SPATC1: variants seen among roughly 807,000 people sequenced by gnomAD.
The protein encoded by SPATC1 is speriolin.
A neutral mutation model predicts 36.5 loss-of-function variants in SPATC1; 35 were observed. The ratio of observed to expected loss-of-function variants is 0.96; its 90% CI spans 0.73 to 1.27. The LOEUF (loss-of-function observed/expected upper bound fraction) is 1.27. SPATC1 is among the 50% of genes most tolerant of loss of function. The pLI is 0.00. For missense variants in SPATC1, 779 were observed against 796.0 expected (o/e 0.98, Z 0.26); for synonymous variants, 361 against 353.6 (o/e 1.02, Z -0.24).
intron 1 of SPATC1, among the ~76,000 whole-genome samples, chr8:144,032,771 G>A (rs985921799): frequency 3.2e-4 from 48 of 151,924 alleles, no homozygotes; most frequent in African/African-American, 1.0e-3. Context: ...CCCCTCATGC[G>A]AGCAAGCCAC....
In SPATC1 at chr8:144,046,589, T is replaced by C. The variant is rs1293565876; in HGVS notation, c.1447-38T>C. The C allele has an allele frequency of 1.9e-6, 3 of 1,568,550 alleles. No homozygotes were observed. The highest frequency in any genetic ancestry group is 2.6e-6 in the Non-Finnish European group (3 of 1,157,200). On this transcript the variant is annotated intron_variant, in intron 4 of 4. Transcript: ENST00000377470. The surrounding 1 kb of genome is among the most constrained non-coding windows in gnomAD (Gnocchi z 6.6). ...CCTTACCTGCCTGTGTGTGGAGGTG[T>C]GGCAAGGGAGGGTCCCTGATGGCCG...
At chr8:144,039,666 T>C (rs1835006996) in intron 1 of SPATC1, among the ~76,000 whole-genome samples, 1 of 152,124 alleles carries the variant, frequency 6.6e-6, no homozygotes, top group Non-Finnish European at 1.5e-5. Context: ...GGGCTGGAGA[T>C]GAGGCCTTGG....
intron 1 of SPATC1, among the ~76,000 whole-genome samples, chr8:144,026,711 A>T (rs1234312003): frequency 6.6e-6 from 1 of 151,966 alleles, no homozygotes; most frequent in Non-Finnish European, 1.5e-5. Context: ...AATGATGCTG[A>T]GCTTCTTTAG....
intron 1 of SPATC1, among the ~76,000 whole-genome samples, chr8:144,035,681 C>T (rs1196426999): frequency 2.0e-5 from 3 of 152,222 alleles, no homozygotes; most frequent in East Asian, 1.9e-4. Flanking sequence ...CAGCCCTGAC[C>T]GGCTGGCCCC....
chr8:144,039,704 G>C (rs1413407528), intron 1 of SPATC1, among the ~76,000 whole-genome samples: 2 of 152,182 alleles, frequency 1.3e-5, no homozygotes, highest in East Asian at 3.9e-4. Context: ...CCTCTGAGCA[G>C]ACACAGACTC....
At chr8:144,019,865 C>A (rs1188792070) in intron 1 of SPATC1, among the ~76,000 whole-genome samples, 1 of 152,000 alleles carries the variant, frequency 6.6e-6, no homozygotes, top group Non-Finnish European at 1.5e-5. Context: ...ACACACCTAC[C>A]TGAGGATCCT....
At chr8:144,022,613 C>A (rs1183708115) in intron 1 of SPATC1, among the ~76,000 whole-genome samples, 1 of 126,236 alleles carries the variant, frequency 7.9e-6, no homozygotes, top group African/African-American at 3.0e-5. Context: ...CCTGAGGAGC[C>A]TTTCCCCTCA....
intron 4 of SPATC1, among the ~76,000 whole-genome samples, chr8:144,042,311 A>ATATATATTTTTTTTT (rs1412021347): frequency 4.2e-5 from 1 of 23,884 alleles, no homozygotes; most frequent in Non-Finnish European, 6.3e-5. Context: ...ATATATATAT[A>ATATATATTTTTTTTT]TTTTTTTTTT....
chr8:144,043,456 A>ATT (rs1315875560), intron 4 of SPATC1, among the ~76,000 whole-genome samples: 1 of 151,886 alleles, frequency 6.6e-6, no homozygotes, highest in African/African-American at 2.4e-5. Flanking sequence ...TAATTTTTGT[A>ATT]TTTTTAGGAG....
chr8:144,039,779 G>A (rs1285205168), intron 1 of SPATC1, 130 bp from the exon 2 acceptor site: 8 of 983,442 alleles, frequency 8.1e-6, no homozygotes, highest in Admixed American at 2.5e-5. Context: ...GACCAGGTCG[G>A]ACCAGTCAGC....
rs1344454270 is a variant in SPATC1 at position 144,016,713 on chromosome 8, G to A, written c.211+3987G>A. ...TGCAATGGCGCAATCTCGGCTCACC[G>A]CAACCTCCACCTCCCGAGTTCAAGT... On this transcript the variant is annotated intron_variant, in intron 1 of 4. Coordinates refer to ENST00000377470, the MANE Select transcript of SPATC1 (RefSeq NM_198572.3). This position sits in a 1 kb window ranked among gnomAD's most constrained non-coding sequence, Gnocchi z 4.5. Among the ~76,000 whole-genome samples the A allele has an allele frequency of 1.3e-5, 2 of 152,128 alleles. No individual in the cohort carries two copies. Among genetic ancestry groups the A allele is most frequent in the East Asian group, 1.9e-4 (1 of 5,198 alleles).
rs372566557 is a variant in SPATC1, at chr8:144,046,820, G to A, written c.1640G>A (p.Gly547Asp). The change falls in exon 5 of 5, where the codon GGC (glycine) becomes GAC (aspartate). Residue 547 changes from glycine (G) to aspartate (D), a missense_variant. Coordinates refer to ENST00000377470, the MANE Select transcript of SPATC1 (RefSeq NM_198572.3). This position sits in a 1 kb window ranked among gnomAD's most constrained non-coding sequence, Gnocchi z 6.6. Reference sequence around the variant, plus strand: ...CCGGAGCTGGCGGCGTCTGAGGGCGGCCCCTACACCGTGGACTTCCTGCAG... The same window carrying A: ...CCGGAGCTGGCGGCGTCTGAGGGCGACCCCTACACCGTGGACTTCCTGCAG... ...ERPELAASEGGPYTVDFLQRV... is the reference protein window; with the variant it reads ...ERPELAASEGDPYTVDFLQRV... The A allele has an allele frequency of 1.1e-4, 171 of 1,604,448 alleles. No homozygotes were observed. Among genetic ancestry groups the A allele is most frequent in the Non-Finnish European group, 1.4e-4 (166 of 1,179,910 alleles).
intron 1 of SPATC1, among the ~76,000 whole-genome samples, chr8:144,026,401 T>G (rs985882430): frequency 2.0e-5 from 3 of 152,236 alleles, no homozygotes; most frequent in Non-Finnish European, 4.4e-5. Flanking sequence ...TTATGAATAA[T>G]GCCGCTATGA....
rs1554755379 is a variant in SPATC1 at position 144,039,979 on chromosome 8, G to A, written c.282G>A (p.Leu94=). 9 of 1,613,848 alleles carry A rather than the reference G, an allele frequency of 5.6e-6. No individual in the cohort carries two copies. The highest frequency in any genetic ancestry group is 7.6e-6 in the Non-Finnish European group (9 of 1,179,996). ...RVLEEVGIMA[L]APLAEMLTSL... ...TCGAAGAAGTGGGGATCATGGCCTT[G>A]GCACCCCTGGCCGAGATGCTAACCA... Residue 94 remains leucine, a synonymous_variant, in exon 2 of 5, where the codon TTG becomes TTA. Coordinates refer to ENST00000377470, the MANE Select transcript of SPATC1 (RefSeq NM_198572.3).
intron 4 of SPATC1, among the ~76,000 whole-genome samples, chr8:144,044,551 G>T (rs530557375): frequency 6.7e-6 from 1 of 149,062 alleles, no homozygotes; most frequent in African/African-American, 2.5e-5. Context: ...CTCGTGATCC[G>T]CCCGCCTCAG....
rs145229001 is a variant in SPATC1, at chr8:144,040,586, C to A, written c.785C>A (p.Pro262His). The change falls in exon 3 of 5, where the codon CCC becomes CAC. Residue 262 changes from proline (P) to histidine (H), a missense_variant. By Grantham distance (77) the Pro-to-His change is moderately conservative. Transcript: ENST00000377470. ...ATTKVPLSTE[P>H]PQSTQDPEPL... ...TCACTAGTCCCACTCTCCACTGAGC[C>A]CCCCCAGTCGACCCAGGACCCAGAG... is the stretch of plus-strand genomic sequence containing the variant. 60 of 1,596,470 alleles carry A rather than the reference C, an allele frequency of 3.8e-5. No individual in the cohort carries two copies. Among genetic ancestry groups the A allele is most frequent in the South Asian group, 1.0e-4 (9 of 88,460 alleles).
rs781894154 is a variant in SPATC1, at chr8:144,040,351, G to A, written c.654G>A (p.Met218Ile). ...GVSQNLLANP[M>I]SNLVLPEAPR... ...CTCAGAACCTGCTGGCCAACCCCAT[G>A]AGCAACCTGGTCCTGCCAGAGGCCC... The change falls in exon 2 of 5, where the codon ATG becomes ATA. Residue 218 changes from methionine to isoleucine, a missense_variant. Physicochemically the swap from Met to Ile is conservative, Grantham distance 10. Coordinates refer to ENST00000377470, the MANE Select transcript of SPATC1 (RefSeq NM_198572.3). The A allele has an allele frequency of 6.2e-6, 10 of 1,612,622 alleles. No homozygotes were observed. Among genetic ancestry groups the A allele is most frequent in the Admixed American group, 1.7e-5 (1 of 60,018 alleles).
chr8:144,029,202 T>TAAAA (rs1165801794), intron 1 of SPATC1, among the ~76,000 whole-genome samples: 1,047 of 28,146 alleles, frequency 0.037, 140 homozygotes, highest in African/African-American at 0.086. Flanking sequence ...ACCCCAGAAC[T>TAAAA]AAAAAAAAAA....
rs945903225 is a variant in SPATC1, at chr8:144,032,311, T to C, written c.212-7598T>C. 9.9e-5 allele frequency among the ~76,000 whole-genome samples: 15 copies of C among 152,234 alleles called. No individual in the cohort carries two copies. In the South Asian group the frequency reaches 3.1e-3, roughly 32 times the overall value. On this transcript the variant is annotated intron_variant, in intron 1 of 4. Coordinates refer to ENST00000377470, the MANE Select transcript of SPATC1 (RefSeq NM_198572.3). ...TTTATTTTTTGAGATGGAGTCTTGC[T>C]CTGTCACCCAGGCTGGAGTGCAGTG...
Sources: gnomAD v4.1 joint callset for allele counts (sites outside exome capture counted in the v4.1 genomes callset) on GRCh38, gnomAD v4.1.1 for gene constraint, Gnocchi (gnomAD v3.1) non-coding constraint, MANE v1.5 for transcripts, NCBI Gene and HGNC (gene_info 2026-07-23, HGNC 2026-07-21) for gene names.